The following UBR3 variants were observed in gnomAD, a reference collection of about 807,000 sequenced individuals.
The protein encoded by UBR3 is E3 ubiquitin-protein ligase UBR3.
Under a neutral mutation model 243.2 loss-of-function variants are expected in UBR3, and 85 were observed. The ratio of observed to expected loss-of-function variants is 0.35; its 90% confidence interval spans 0.29 to 0.42. The LOEUF (loss-of-function observed/expected upper bound fraction) is 0.42, where lower values mean the gene tolerates loss of function less well. Among genes scored for constraint, UBR3 ranks in the 10% least tolerant of loss-of-function variants. UBR3 has a pLI of 1.00. For synonymous variants in UBR3, 748 were observed against 799.8 expected (o/e 0.94, Z 1.09); for missense variants, 1,686 against 2,300.8 (o/e 0.73, Z 5.47).
chr2:169,987,557 A>T (rs1053264552), intron 25 of UBR3, among the ~76,000 whole-genome samples: 1 of 151,402 alleles, frequency 6.6e-6, no homozygotes, highest in Non-Finnish European at 1.5e-5. Context: ...AGCAGTCTAT[A>T]GTTTTAAACT....
intron 32 of UBR3, among the ~76,000 whole-genome samples, chr2:170,041,280 A>G (rs2090962256): frequency 6.6e-6 from 1 of 152,250 alleles, no homozygotes; most frequent in Admixed American, 6.5e-5. Flanking sequence ...TAGTAATCGT[A>G]TCTAAAAAAT....
chr2:170,072,715 G>A (rs915823806), intron 35 of UBR3, among the ~76,000 whole-genome samples: 3 of 152,124 alleles, frequency 2.0e-5, no homozygotes, highest in African/African-American at 4.8e-5. Flanking sequence ...TCCCTAGTGA[G>A]CTGGAATTTG....
chr2:169,987,386 C>G (rs1392578781), intron 25 of UBR3, among the ~76,000 whole-genome samples: 5 of 126,450 alleles, frequency 4.0e-5, no homozygotes, highest in Non-Finnish European at 7.9e-5. Flanking sequence ...GAGCAAGACT[C>G]TGTCTCAAAA....
intron 36 of UBR3, among the ~76,000 whole-genome samples, chr2:170,074,416 AC>A (rs1259496239): frequency 2.0e-5 from 3 of 152,082 alleles, no homozygotes; most frequent in African/African-American, 4.8e-5. Context: ...CTGCTTAAAC[AC>A]CATTGCTGAT....
chr2:169,907,048 T>C, intron 10 of UBR3, among the ~76,000 whole-genome samples: 1 of 149,078 alleles, frequency 6.7e-6, no homozygotes, highest in African/African-American at 2.4e-5. Context: ...TTTTTTTTTT[T>C]TTTTTTTTTT....
At chr2:170,008,105 T>TA (rs1476026962) in intron 28 of UBR3, among the ~76,000 whole-genome samples, 1 of 152,150 alleles carries the variant, frequency 6.6e-6, no homozygotes, top group Non-Finnish European at 1.5e-5. Flanking sequence ...CAGACTACTG[T>TA]AGGGGGGAAC....
intron 35 of UBR3, among the ~76,000 whole-genome samples, chr2:170,062,963 A>T (rs918268910): frequency 1.2e-4 from 18 of 152,220 alleles, no homozygotes; most frequent in Admixed American, 5.2e-4. Context: ...TATAGTTGTA[A>T]TGGATCTTGA....
At chr2:169,830,718 T>G (rs1402909341) in intron 1 of UBR3, among the ~76,000 whole-genome samples, 2 of 152,154 alleles carry the variant, frequency 1.3e-5, no homozygotes, top group Non-Finnish European at 2.9e-5. Flanking sequence ...AAACTTTTTT[T>G]GTTTGTTTTG....
chr2:170,047,782 GA>G (rs1232661187), intron 32 of UBR3, among the ~76,000 whole-genome samples: 1 of 152,192 alleles, frequency 6.6e-6, no homozygotes, highest in Non-Finnish European at 1.5e-5. Flanking sequence ...GTAGTACACT[GA>G]AATCTCATGC....
chr2:169,897,330 A>G (rs77399686), intron 8 of UBR3, among the ~76,000 whole-genome samples: 1 of 151,974 alleles, frequency 6.6e-6, no homozygotes, highest in East Asian at 1.9e-4. Context: ...TTTTGTGCCC[A>G]CTATGTGGTT....
At chr2:169,887,877 A>G (rs1054082357) in intron 5 of UBR3, among the ~76,000 whole-genome samples, 15 of 151,150 alleles carry the variant, frequency 9.9e-5, no homozygotes, top group African/African-American at 3.4e-4. Context: ...CCCGGGTTCA[A>G]CCTATTCTCC....
At chr2:169,964,941 G>A (rs1443104312) in intron 24 of UBR3, 1 of 456,976 alleles carries the variant, frequency 2.2e-6, no homozygotes, top group African/African-American at 2.0e-5. Context: ...CCCAGTCTCG[G>A]TTCTTGTATG....
rs866270287 is a variant in UBR3 at position 169,827,878 on chromosome 2, G to A, written c.371G>A (p.Trp124Ter). 1.3e-6 allele frequency: 2 copies of A among 1,517,942 alleles called. No homozygotes were observed. The highest frequency in any genetic ancestry group is 1.8e-6 in the Non-Finnish European group (2 of 1,136,418). The allele number at this position is 1,517,942 out of a possible 1,614,324, so 94.0% of individuals were successfully genotyped here. The change falls in exon 1 of 39, where the codon TGG becomes TAG. Residue 124 changes from tryptophan to a stop codon, truncating the protein, a stop_gained. Coordinates refer to ENST00000272793, the MANE Select transcript of UBR3 (RefSeq NM_172070.4). LOFTEE classifies it high-confidence loss of function. ...CCCGCGGCGCTCTGCGGCCTGGTCT[G>A]GACAGCCAACTTCGTGGCCTACCGC... ...YDPAALCGLV[W>*]TANFVAYRCR...
chr2:169,882,813 G>T (rs925399925), intron 5 of UBR3, among the ~76,000 whole-genome samples: 1 of 151,874 alleles, frequency 6.6e-6, no homozygotes, highest in Non-Finnish European at 1.5e-5. Flanking sequence ...AGCAATTCAA[G>T]GGTTATAAAA....
intron 38 of UBR3, among the ~76,000 whole-genome samples, chr2:170,081,352 T>A (rs935650973): frequency 6.6e-6 from 1 of 151,552 alleles, no homozygotes; most frequent in Admixed American, 6.6e-5. Context: ...TACAAAAAAT[T>A]AGCCGGGTGT....
intron 33 of UBR3, 138 bp from the exon 34 acceptor site, chr2:170,060,941 C>T (rs1472716688): frequency 1.2e-5 from 7 of 572,604 alleles, no homozygotes; most frequent in African/African-American, 2.0e-5. Flanking sequence ...CAGTTTTACC[C>T]AAATTTTGAA....
At chr2:170,023,262 C>G (rs567876539) in intron 30 of UBR3, among the ~76,000 whole-genome samples, 2 of 152,012 alleles carry the variant, frequency 1.3e-5, no homozygotes, top group African/African-American at 2.4e-5. Context: ...TATGTGTCAC[C>G]TTGCCTGGCT....
chr2:170,008,959 T>A lies in UBR3; in HGVS notation c.4367+19T>A. On this transcript the variant is annotated intron_variant, in intron 29 of 38. Transcript: ENST00000272793. ...TTGCTAGGTAGGTATATATAGTGTA[T>A]ACTTTTTAGTTTACTTACTATTAAT... 1 of 1,455,014 alleles carries A rather than the reference T, an allele frequency of 6.9e-7. No homozygotes were observed. The highest frequency in any genetic ancestry group is 9.1e-7 in the Non-Finnish European group (1 of 1,093,674). 90.1% of individuals were successfully genotyped at this position (1,455,014 alleles called of 1,614,324 possible). A position where few individuals can be genotyped will look rare whatever the true frequency, so the allele number is the denominator to read the frequency against.
intron 8 of UBR3, among the ~76,000 whole-genome samples, chr2:169,897,701 A>G (rs949400129): frequency 6.6e-6 from 1 of 152,032 alleles, no homozygotes; most frequent in Non-Finnish European, 1.5e-5. Flanking sequence ...GGGTTTTGCC[A>G]TGGTGCCCAG....
Sources: allele counts gnomAD v4.1 joint callset (sites outside exome capture counted in the v4.1 genomes callset), GRCh38; gene constraint gnomAD v4.1.1; transcripts MANE v1.5; gene names NCBI Gene and HGNC (gene_info 2026-07-23, HGNC 2026-07-21).